MDFIC2: variants seen among roughly 807,000 people sequenced by gnomAD.
MDFIC2 encodes the protein myoD family inhibitor domain-containing protein 2.
At chr3:70,234,147 G>A (rs1045138352) in intron 2 of MDFIC2, among the ~76,000 whole-genome samples, 10 of 152,144 alleles carry the variant, frequency 6.6e-5, no homozygotes, top group African/African-American at 2.2e-4. Context: ...GTGGGATGTG[G>A]ACAACTACTT....
At chr3:70,224,579 G>A (rs1332663078) in intron 2 of MDFIC2, among the ~76,000 whole-genome samples, 1 of 152,184 alleles carries the variant, frequency 6.6e-6, no homozygotes, top group African/African-American at 2.4e-5. Flanking sequence ...CTCACTAAGT[G>A]TCTGACTTTA....
At chr3:70,306,023 C>G (rs1174106926) in intron 2 of MDFIC2, among the ~76,000 whole-genome samples, 3 of 152,184 alleles carry the variant, frequency 2.0e-5, no homozygotes, top group Non-Finnish European at 2.9e-5. Flanking sequence ...TGCCAAAACA[C>G]TGATGATGTA....
chr3:70,241,496 AG>A (rs1399675807), intron 2 of MDFIC2, among the ~76,000 whole-genome samples: 1 of 152,206 alleles, frequency 6.6e-6, no homozygotes, highest in Non-Finnish European at 1.5e-5. Flanking sequence ...GAGGTATGGT[AG>A]GAATTGTTAA....
Position 70,311,899 on chromosome 3 carries a change from A to G in MDFIC2, c.75T>C (p.Ser25=), listed in dbSNP as rs1264323604. The G allele has an allele frequency of 1.3e-5, 5 of 397,736 alleles. No homozygotes were observed. Among genetic ancestry groups the G allele is most frequent in the Non-Finnish European group, 2.2e-5 (5 of 225,624 alleles). 24.6% of individuals were successfully genotyped at this position (397,736 alleles called of 1,614,324 possible). ...EHLENDKNNI[S]WLKEDTQLTN... ...AAGAAGACTTACCTTCTTTCAACCA[A>G]GAAATGTTATTTTTATCATTTTCTA... Residue 25 remains serine (S), a synonymous_variant, in exon 2 of 4, where the codon TCT becomes TCC. Coordinates refer to ENST00000567252, the MANE Select transcript of MDFIC2 (RefSeq NM_001364677.1).
chr3:70,200,205 C>T (rs1701224214), intron 3 of MDFIC2, among the ~76,000 whole-genome samples: 1 of 152,208 alleles, frequency 6.6e-6, no homozygotes, highest in South Asian at 2.1e-4. Context: ...ACAGCAATAG[C>T]CTCCTGGCAA....
In MDFIC2 at chr3:70,290,565, C is replaced by T. The variant is rs561225683; in HGVS notation, c.88+21321G>A. 1.3e-5 allele frequency among the ~76,000 whole-genome samples: 2 copies of T among 152,350 alleles called. 1 individual carries two copies. The highest frequency in any genetic ancestry group is 4.1e-4 in the South Asian group (2 of 4,828). On this transcript the variant is annotated intron_variant, in intron 2 of 3. Transcript: ENST00000567252. ...GGAGCCTACAGAGGCAGGCAGGCCT[C>T]CTTGAGCTGTGGTGGGCTCCACCCA... is the stretch of plus-strand genomic sequence containing the variant.
At chr3:70,234,593 C>G (rs1701590218) in intron 2 of MDFIC2, among the ~76,000 whole-genome samples, 1 of 151,130 alleles carries the variant, frequency 6.6e-6, no homozygotes, top group African/African-American at 2.4e-5. Context: ...TGAGCCATGA[C>G]TATGCCACTG....
chr3:70,231,815 G>A (rs1293857665), intron 2 of MDFIC2, among the ~76,000 whole-genome samples: 5 of 152,102 alleles, frequency 3.3e-5, no homozygotes, highest in African/African-American at 1.2e-4. Flanking sequence ...ACTTGGACCA[G>A]GAGTCACAAA....
At chr3:70,297,243 T>C (rs1702300062) in intron 2 of MDFIC2, among the ~76,000 whole-genome samples, 1 of 152,082 alleles carries the variant, frequency 6.6e-6, no homozygotes, top group African/African-American at 2.4e-5. Context: ...TATTGTAAAA[T>C]GAGTCCTTAC....
At chr3:70,225,289 TG>T (rs1701493081) in intron 2 of MDFIC2, among the ~76,000 whole-genome samples, 1 of 152,226 alleles carries the variant, frequency 6.6e-6, no homozygotes, top group South Asian at 2.1e-4. Context: ...TTCTCTTCAG[TG>T]TGAGAATTAT....
At chr3:70,224,156 G>T (rs1293475888) in intron 2 of MDFIC2, among the ~76,000 whole-genome samples, 1 of 152,106 alleles carries the variant, frequency 6.6e-6, no homozygotes, top group Non-Finnish European at 1.5e-5. Flanking sequence ...GAATGTGGAT[G>T]AAACTGGATT....
intron 2 of MDFIC2, among the ~76,000 whole-genome samples, chr3:70,261,175 G>A (rs1267410367): frequency 6.6e-6 from 1 of 152,160 alleles, no homozygotes; most frequent in South Asian, 2.1e-4. Flanking sequence ...CTTATGCATT[G>A]CTTGAAATTT....
chr3:70,288,674 T>A (rs923211923), intron 2 of MDFIC2, among the ~76,000 whole-genome samples: 3 of 151,918 alleles, frequency 2.0e-5, no homozygotes, highest in African/African-American at 7.3e-5. Context: ...AAGTCTCCCA[T>A]TATTAATGTG....
intron 2 of MDFIC2, among the ~76,000 whole-genome samples, chr3:70,244,978 G>C (rs898574323): frequency 3.3e-5 from 5 of 152,058 alleles, no homozygotes; most frequent in Non-Finnish European, 7.4e-5. Context: ...CTACTTATCT[G>C]GTGCTATTAG....
chr3:70,284,902 A>C (rs1702126960), intron 2 of MDFIC2, among the ~76,000 whole-genome samples: 1 of 152,188 alleles, frequency 6.6e-6, no homozygotes, highest in Non-Finnish European at 1.5e-5. Context: ...TGAAAATAAA[A>C]GTTAAACAAA....
intron 2 of MDFIC2, among the ~76,000 whole-genome samples, chr3:70,268,997 GT>G (rs1559549687): frequency 6.6e-6 from 1 of 151,890 alleles, no homozygotes; most frequent in African/African-American, 2.4e-5. Context: ...ATATTACAAA[GT>G]TTAAATAAAA....
intron 2 of MDFIC2, among the ~76,000 whole-genome samples, chr3:70,246,490 A>G (rs544306850): frequency 1.1e-3 from 173 of 152,178 alleles, no homozygotes; most frequent in African/African-American, 4.0e-3. Context: ...GGGCATCACT[A>G]TACATAGGGC....
At chr3:70,227,446 A>G (rs781431236) in intron 2 of MDFIC2, among the ~76,000 whole-genome samples, 3 of 152,224 alleles carry the variant, frequency 2.0e-5, no homozygotes, top group Non-Finnish European at 4.4e-5. Flanking sequence ...TTTGGCAGGA[A>G]AAACAGACCA....
At chr3:70,242,223 T>G (rs1020935708) in intron 2 of MDFIC2, among the ~76,000 whole-genome samples, 4 of 152,158 alleles carry the variant, frequency 2.6e-5, no homozygotes, top group African/African-American at 9.7e-5. Context: ...ATATGACACA[T>G]CATTTCATTC....
Sources: allele counts gnomAD v4.1 joint callset (sites outside exome capture counted in the v4.1 genomes callset), GRCh38; gene constraint gnomAD v4.1.1; transcripts MANE v1.5; gene names NCBI Gene and HGNC (gene_info 2026-07-23, HGNC 2026-07-21).